The following ANKRD30A variants were observed in gnomAD, a reference collection of about 807,000 sequenced individuals.
The protein encoded by ANKRD30A is ankyrin repeat domain 30A.
In ANKRD30A, 170 loss-of-function variants were observed where a neutral mutation model predicts 166.3. That is an observed-to-expected ratio of 1.02 (90% CI 0.90 to 1.16). ANKRD30A has a LOEUF of 1.16. Among genes scored for constraint, ANKRD30A ranks in the 50% most tolerant of loss-of-function variants. The probability of loss-of-function intolerance (pLI) is 0.00; values close to 1 mark genes in which losing one functional copy is unlikely to be tolerated. For synonymous variants in ANKRD30A, 564 were observed against 508.9 expected, an observed-to-expected ratio of 1.11 and a Z score of -1.46; for missense variants, 1,630 against 1,518.0, an observed-to-expected ratio of 1.07 and a Z score of -1.23.
the ANKRD30A span, chr10:37,241,157 A>C: frequency 6.6e-6 from 1 of 151,848 alleles, no homozygotes; most frequent in South Asian, 2.1e-4. Context: ...GAACATAAAT[A>C]TTTTTCTTTC....
intron 12 of ANKRD30A, among the ~76,000 whole-genome samples, chr10:37,153,135 A>C (rs1242237332): frequency 1.3e-5 from 2 of 152,184 alleles, no homozygotes; most frequent in African/African-American, 4.8e-5. Flanking sequence ...CATCATTTTT[A>C]ACACTAAACA....
chr10:37,126,165 C>T (rs1052735734), intron 1 of ANKRD30A, among the ~76,000 whole-genome samples, 157 bp downstream of exon 1: 2 of 152,126 alleles, frequency 1.3e-5, no homozygotes, highest in Admixed American at 1.3e-4. Flanking sequence ...GGGTCTAGGC[C>T]TTCTTCCTGG....
At chr10:37,257,120 C>T in the ANKRD30A span, among the ~76,000 whole-genome samples, 2 of 151,646 alleles carry the variant, frequency 1.3e-5, no homozygotes, top group South Asian at 2.1e-4. Context: ...GGTTTCATGG[C>T]GGGAGGGTGT....
At chr10:37,261,911 A>C in the ANKRD30A span, 1 of 153,192 alleles carries the variant, frequency 6.5e-6, no homozygotes, top group East Asian at 1.9e-4. Context: ...ATTTGTTGAA[A>C]ATATTGTTTA....
chr10:37,243,701 G>A, the ANKRD30A span, among the ~76,000 whole-genome samples: 2 of 152,056 alleles, frequency 1.3e-5, no homozygotes, highest in East Asian at 1.9e-4. Flanking sequence ...TTCCTATGAT[G>A]TATTTCTGGT....
At chr10:37,253,510 A>G in the ANKRD30A span, among the ~76,000 whole-genome samples, 1 of 152,178 alleles carries the variant, frequency 6.6e-6, no homozygotes, top group African/African-American at 2.4e-5. Flanking sequence ...CCCCCCAGGC[A>G]GCGCTAGTCC....
chr10:37,152,196 T>A (rs180949067), intron 12 of ANKRD30A, 75 bp downstream of exon 12: 74 of 1,282,836 alleles, frequency 5.8e-5, no homozygotes, highest in Non-Finnish European at 3.3e-6. Context: ...GGCTTAGGCT[T>A]TATTTTCTCG....
chr10:37,247,177 G>C, the ANKRD30A span, among the ~76,000 whole-genome samples: 6 of 152,232 alleles, frequency 3.9e-5, no homozygotes, highest in South Asian at 6.2e-4. Flanking sequence ...TGGCAGAAAA[G>C]GGCTAAAGAA....
chr10:37,141,258 T>G (rs1271108829), intron 6 of ANKRD30A, among the ~76,000 whole-genome samples: 2 of 151,944 alleles, frequency 1.3e-5, no homozygotes, highest in African/African-American at 2.4e-5. Flanking sequence ...ATATCCAAGG[T>G]GAAGAATTAA....
intron 1 of ANKRD30A, 43 bp from the exon 2 acceptor site, chr10:37,129,850 A>G: frequency 4.9e-6 from 6 of 1,235,002 alleles, no homozygotes; most frequent in Non-Finnish European, 6.5e-6. Context: ...ATGTTTTGGG[A>G]CAGTGGACTA....
At chr10:37,137,581 CGA>C (rs1836800311) in intron 6 of ANKRD30A, among the ~76,000 whole-genome samples, 2 of 152,172 alleles carry the variant, frequency 1.3e-5, no homozygotes, top group African/African-American at 4.8e-5. Context: ...GATTATATCC[CGA>C]GCATGGCTCA....
intron 6 of ANKRD30A, among the ~76,000 whole-genome samples, chr10:37,137,194 G>A (rs1285479852): frequency 6.6e-6 from 1 of 152,072 alleles, no homozygotes; most frequent in African/African-American, 2.4e-5. Context: ...TGAATTACAA[G>A]CCACAAATAA....
intron 31 of ANKRD30A, among the ~76,000 whole-genome samples, chr10:37,210,576 C>G (rs1447478130): frequency 6.6e-6 from 1 of 152,142 alleles, no homozygotes; most frequent in Admixed American, 6.6e-5. Flanking sequence ...AATTTTCACT[C>G]CCACCAACAG....
chr10:37,213,097 G>A (rs1013991677), intron 31 of ANKRD30A, among the ~76,000 whole-genome samples: 3 of 151,708 alleles, frequency 2.0e-5, no homozygotes, highest in Admixed American at 6.6e-5. Flanking sequence ...TGTTGTTCAA[G>A]TTTTCTATCA....
Position 37,130,019 on chromosome 10 carries a change from C to T in ANKRD30A, c.336+12C>T, listed in dbSNP as rs1326058992. On this transcript the variant is annotated intron_variant, in intron 2 of 35. Coordinates refer to ENST00000361713, the MANE Select transcript of ANKRD30A (RefSeq NM_052997.3). ...CACCTCTGATGAAGGTAAATAGTAG[C>T]CAGATTTTTCAGCAGGAGATGGATT... 3 of 1,466,762 alleles carry T rather than the reference C, an allele frequency of 2.0e-6. No homozygotes were observed. The highest frequency in any genetic ancestry group is 3.2e-5 in the South Asian group (2 of 62,732). 90.9% of individuals were successfully genotyped at this position (1,466,762 alleles called of 1,614,324 possible).
In ANKRD30A at chr10:37,152,124, A is replaced by G; in HGVS notation, c.1707+3A>G. 1 of 1,601,158 alleles carries G rather than the reference A, an allele frequency of 6.2e-7. No individual in the cohort carries two copies. Among genetic ancestry groups the G allele is most frequent in the South Asian group, 1.1e-5 (1 of 89,736 alleles). On this transcript the variant is annotated splice_donor_region_variant and intron_variant, in intron 12 of 35. Transcript: ENST00000361713. Reference sequence around the variant, plus strand: ...AAGAAAATTCTTGGGATTCTGAGGTACTATGTGTTATTGATTTTTTTTTAA... The same window carrying G: ...AAGAAAATTCTTGGGATTCTGAGGTGCTATGTGTTATTGATTTTTTTTTAA...
intron 15 of ANKRD30A, among the ~76,000 whole-genome samples, chr10:37,160,616 TA>T (rs1476242010): frequency 1.3e-5 from 2 of 152,228 alleles, no homozygotes; most frequent in South Asian, 4.1e-4. Context: ...CTCTTTTTTT[TA>T]AAAAAATATA....
chr10:37,232,905 A>C (rs563489488), downstream of ANKRD30A, among the ~76,000 whole-genome samples: 221 of 149,732 alleles, frequency 1.5e-3, no homozygotes, highest in African/African-American at 5.3e-3. Context: ...AAAAAAAAAA[A>C]AACAAAATAA....
Position 37,133,914 on chromosome 10 carries a change from A to G in ANKRD30A, c.618-2A>G. ...AATGAAGTTATCTCTTTGTTATTTTAGCACAGCCCTCATGCTTGCTGTATG... is the reference window on the plus strand; with the variant it reads ...AATGAAGTTATCTCTTTGTTATTTTGGCACAGCCCTCATGCTTGCTGTATG... On this transcript the variant is annotated splice_acceptor_variant, in intron 4 of 35. Transcript: ENST00000361713. LOFTEE classifies it high-confidence loss of function. The G allele has an allele frequency of 6.2e-7, 1 of 1,613,390 alleles. No homozygotes were observed. The highest frequency in any genetic ancestry group is 1.3e-5 in the African/African-American group (1 of 75,032).
Sources: allele counts gnomAD v4.1 joint callset (sites outside exome capture counted in the v4.1 genomes callset), GRCh38; gene constraint gnomAD v4.1.1; transcripts MANE v1.5; gene names NCBI Gene and HGNC (gene_info 2026-07-23, HGNC 2026-07-21).